ZNF488: variants seen among roughly 807,000 people sequenced by gnomAD.
ZNF488 encodes the protein zinc finger protein 488.
Under a neutral mutation model 1.2 loss-of-function variants are expected in ZNF488, and 1 was observed. The observed-to-expected ratio is 0.86, with a 90% CI of 0.30 to 4.07. The LOEUF is 4.07. ZNF488 is among the 30% of genes most tolerant of loss of function. The pLI, the probability that ZNF488 is intolerant of heterozygous loss-of-function variation, is 0.18. For missense variants in ZNF488, 450 were observed against 437.9 expected (o/e 1.03, Z -0.25); for synonymous variants, 185 against 190.1 (o/e 0.97, Z 0.22).
At chr10:47,368,977 C>T in intron 1 of ZNF488, 40 bp from the exon 2 acceptor site, 3 of 903,954 alleles carry the variant, frequency 3.3e-6, no homozygotes, top group Non-Finnish European at 3.3e-6. Flanking sequence ...GATGGGCATT[C>T]ATCACTCAGG....
At chr10:47,374,557 A>G (rs1837603434) in intron 1 of ZNF488, among the ~76,000 whole-genome samples, 1 of 152,166 alleles carries the variant, frequency 6.6e-6, no homozygotes, top group South Asian at 2.1e-4. Flanking sequence ...GTTTAAACAG[A>G]AAGGAACTTA....
intron 1 of ZNF488, among the ~76,000 whole-genome samples, chr10:47,376,811 A>G (rs1419274584): frequency 1.3e-5 from 2 of 152,238 alleles, no homozygotes; most frequent in African/African-American, 4.8e-5. Flanking sequence ...ATGAAATTAT[A>G]GATGTCCTCC....
At chr10:47,371,249 T>C (rs889469668) in intron 1 of ZNF488, among the ~76,000 whole-genome samples, 1 of 152,024 alleles carries the variant, frequency 6.6e-6, no homozygotes, top group African/African-American at 2.4e-5. Flanking sequence ...TTTTTAGAAA[T>C]AAATGATTCA....
At position 47,367,549 on chromosome 10, in the gene ZNF488, G is replaced by A. The variant is rs560099053; in HGVS notation, c.*258C>T. The A allele has an allele frequency of 5.6e-6, 3 of 533,034 alleles. No individual in the cohort carries two copies. The East Asian group carries it at 9.8e-5, about 17-fold the overall frequency. 33.0% of individuals were successfully genotyped at this position (533,034 alleles called of 1,614,324 possible). On this transcript the variant is annotated 3_prime_UTR_variant, in exon 2 of 2. Transcript: ENST00000585316. ...CCAAAGCCCATGATGTGTGCCAGGA[G>A]TTGCCCCTGCTCTCTGTGCCTGTTA...
At chr10:47,369,250 G>A (rs1837371610) in intron 1 of ZNF488, among the ~76,000 whole-genome samples, 1 of 152,236 alleles carries the variant, frequency 6.6e-6, no homozygotes, top group Non-Finnish European at 1.5e-5. Context: ...AACCAGGCAT[G>A]AAATGGAGAG....
At position 47,367,654 on chromosome 10, in the gene ZNF488, G is replaced by A. The variant is rs1837266300; in HGVS notation, c.*153C>T. 3 of 845,134 alleles carry A rather than the reference G, an allele frequency of 3.5e-6. No individual in the cohort carries two copies. The highest frequency in any genetic ancestry group is 5.9e-5 in the Admixed American group (2 of 34,168). 52.4% of individuals were successfully genotyped at this position (845,134 alleles called of 1,614,324 possible). On this transcript the variant is annotated 3_prime_UTR_variant, in exon 2 of 2. Coordinates refer to ENST00000585316, the MANE Select transcript of ZNF488 (RefSeq NM_153034.4). ...CTTCAAAACACATCATGCAGGTGTG[G>A]CTTTTTCAAATTATGCCTGAGCTGT...
chr10:47,383,843 G>C (rs1256531881), intron 1 of ZNF488, among the ~76,000 whole-genome samples: 2 of 152,070 alleles, frequency 1.3e-5, no homozygotes, highest in African/African-American at 4.8e-5. Flanking sequence ...CACCCTAGGA[G>C]AAAAATTCAT....
At chr10:47,370,923 T>C (rs1199744013) in intron 1 of ZNF488, among the ~76,000 whole-genome samples, 2 of 152,184 alleles carry the variant, frequency 1.3e-5, no homozygotes, top group Non-Finnish European at 2.9e-5. Flanking sequence ...TCCGCAAGCA[T>C]TCACTGAGAG....
chr10:47,382,374 T>C (rs531195355), intron 1 of ZNF488, among the ~76,000 whole-genome samples: 1 of 110,538 alleles, frequency 9.0e-6, no homozygotes, highest in South Asian at 2.8e-4. Context: ...GACAATGATG[T>C]TCTTATAGAG....
chr10:47,368,532 T>C lies in ZNF488; in HGVS notation c.298A>G (p.Ser100Gly). ...ATCCTCGGCAGCTCCGTGAAGGCGC[T>C]CTGCCTCTGCTCTCCACGTGTCTTC... ...PPKTRGEQRQSAFTELPRMKD... is the reference protein window; with the variant it reads ...PPKTRGEQRQGAFTELPRMKD... Residue 100 changes from serine to glycine, a missense_variant, in exon 2 of 2, where the codon AGC becomes GGC. Ser to Gly is a moderately conservative substitution (Grantham distance 56). Transcript: ENST00000585316. The C allele has an allele frequency of 1.2e-6, 2 of 1,613,600 alleles. No homozygotes were observed. Among genetic ancestry groups the C allele is most frequent in the Non-Finnish European group, 1.7e-6 (2 of 1,179,960 alleles).
chr10:47,381,825 G>A (rs1470137503), intron 1 of ZNF488, among the ~76,000 whole-genome samples: 1 of 152,244 alleles, frequency 6.6e-6, no homozygotes, highest in African/African-American at 2.4e-5. Context: ...GCTTCAATGG[G>A]GCCCTGCTGT....
At chr10:47,377,606 A>T (rs1301351361) in intron 1 of ZNF488, among the ~76,000 whole-genome samples, 6,138 of 119,724 alleles carry the variant, frequency 0.051, 366 homozygotes, top group African/African-American at 0.15. Flanking sequence ...AATCTCACAC[A>T]CACACACACA....
rs1198791161 is a variant in ZNF488 at position 47,368,403 on chromosome 10, C to G, written c.427G>C (p.Ala143Pro). The G allele has an allele frequency of 5.3e-5, 85 of 1,614,164 alleles. No individual in the cohort carries two copies. The highest frequency in any genetic ancestry group is 7.1e-5 in the Non-Finnish European group (84 of 1,180,034). The part of the protein sequence containing the change: ...QLTQNIPRGP[A>P]GSKVFSVWPS... ...CACACAGAGAAGACTTTGCTGCCAG[C>G]TGGGCCTCTGGGGATGTTCTGGGTC... is the stretch of plus-strand genomic sequence containing the variant. Residue 143 changes from alanine (A) to proline (P), a missense_variant, in exon 2 of 2, where the codon GCT (alanine) becomes CCT (proline). Coordinates refer to ENST00000585316, the MANE Select transcript of ZNF488 (RefSeq NM_153034.4).
chr10:47,365,579 T>C lies in ZNF488; in HGVS notation c.*2228A>G, dbSNP rs1168317740. 6.0e-6 allele frequency: 1 copy of C among 167,036 alleles called. No homozygotes were observed. The highest frequency in any genetic ancestry group is 1.5e-5 in the Non-Finnish European group (1 of 68,130). The allele number at this position is 167,036 out of a possible 1,614,324, so 10.3% of individuals were successfully genotyped here. Reference sequence around the variant, plus strand: ...GGGATGCACAGTAAACAAACCAATCTCTGTTCCCAAGGAGCTGACAGTGTG... The same window carrying C: ...GGGATGCACAGTAAACAAACCAATCCCTGTTCCCAAGGAGCTGACAGTGTG... On this transcript the variant is annotated 3_prime_UTR_variant, in exon 2 of 2. Transcript: ENST00000585316.
chr10:47,368,730 A>G lies in ZNF488; in HGVS notation c.100T>C (p.Trp34Arg), dbSNP rs1555213416. 7 of 1,613,148 alleles carry G rather than the reference A, an allele frequency of 4.3e-6. No homozygotes were observed. The African/African-American group carries it at 8.0e-5, about 18-fold the overall frequency. Residue 34 changes from tryptophan to arginine, a missense_variant, in exon 2 of 2, where the codon TGG becomes CGG. Transcript: ENST00000585316. ...CCCAGCTCAGGTTCGCTAAGTCGCC[A>G]TCTGTTTTCAGCCGATGGGCTCAAC... ...APLSPSAENR[W>R]RLSEPELGRG...
In ZNF488 at chr10:47,367,930, CT is replaced by C; in HGVS notation, c.899del (p.Lys300ArgfsTer37). 6.2e-7 allele frequency: 1 copy of C among 1,614,128 alleles called. No homozygotes were observed. The highest frequency in any genetic ancestry group is 1.1e-5 in the South Asian group (1 of 91,090). The part of the protein sequence containing the change: ...LVFHMRSHHK[K>X]EHAGPDPHSQ... Reference sequence around the variant, plus strand: ...AATGTGGGTCAGGCCCCGCATGCTCCTTTTTGTGGTGGGATCGCATGTGAAA... The same window carrying C: ...AATGTGGGTCAGGCCCCGCATGCTCCTTTTGTGGTGGGATCGCATGTGAAA... On this transcript the variant is annotated frameshift_variant, in exon 2 of 2. Coordinates refer to ENST00000585316, the MANE Select transcript of ZNF488 (RefSeq NM_153034.4). LOFTEE classifies it low-confidence loss of function (END_TRUNC).
Position 47,368,903 on chromosome 10 carries a change from A to G in ZNF488, c.-74T>C. 3 of 1,509,190 alleles carry G rather than the reference A, an allele frequency of 2.0e-6. No individual in the cohort carries two copies. The highest frequency in any genetic ancestry group is 2.7e-5 in the South Asian group (2 of 74,990). The allele number at this position is 1,509,190 out of a possible 1,614,324, so 93.5% of individuals were successfully genotyped here. On this transcript the variant is annotated 5_prime_UTR_variant, in exon 2 of 2. It removes an upstream start codon present in the reference 5' UTR. Coordinates refer to ENST00000585316, the MANE Select transcript of ZNF488 (RefSeq NM_153034.4). ...GAGCCATGAGATATGGAAGCTCCCC[A>G]TGACACTGGGCTGGACACACTCGGC...
chr10:47,377,711 A>ACACACACG (rs1837742312), intron 1 of ZNF488, among the ~76,000 whole-genome samples: 1 of 123,256 alleles, frequency 8.1e-6, no homozygotes, highest in Non-Finnish European at 1.7e-5. Flanking sequence ...ACACACACAC[A>ACACACACG]CACACACGGC....
At chr10:47,372,439 A>G (rs1397944745) in intron 1 of ZNF488, among the ~76,000 whole-genome samples, 1 of 120,730 alleles carries the variant, frequency 8.3e-6, no homozygotes, top group African/African-American at 3.2e-5. Context: ...CACCCCTTCT[A>G]TGCACCAGCC....
Sources: gnomAD v4.1 joint callset for allele counts (sites outside exome capture counted in the v4.1 genomes callset) on GRCh38, gnomAD v4.1.1 for gene constraint, MANE v1.5 for transcripts, NCBI Gene and HGNC (gene_info 2026-07-23, HGNC 2026-07-21) for gene names.